The following COL9A3 variants were observed in gnomAD, a reference collection of about 807,000 sequenced individuals.
COL9A3 encodes collagen alpha-3(IX) chain.
COL9A3 carries 82 observed loss-of-function variants against 110.2 expected under a neutral mutation model. The ratio of observed to expected loss-of-function variants is 0.74; its 90% confidence interval spans 0.62 to 0.89. The LOEUF is 0.89. Ranked by LOEUF, COL9A3 falls within the 40% of genes least tolerant of loss-of-function variation. The pLI is 0.00. For missense variants in COL9A3, 1,066 were observed against 981.3 expected (o/e 1.09, Z -1.15); for synonymous variants, 494 against 403.8 (o/e 1.22, Z -2.68).
intron 14 of COL9A3, 83 bp downstream of exon 14, chr20:62,826,340 G>A (rs1416198195): frequency 2.9e-5 from 37 of 1,292,648 alleles, no homozygotes; most frequent in Admixed American, 6.0e-5. Context: ...GATGGGCCCC[G>A]TGAGTGACAC....
intron 5 of COL9A3, among the ~76,000 whole-genome samples, chr20:62,820,757 G>C (rs1377156944): frequency 6.6e-6 from 1 of 152,130 alleles, no homozygotes; most frequent in African/African-American, 2.4e-5. Flanking sequence ...GGCATTTCAG[G>C]CAGCAGGGGC....
intron 9 of COL9A3, 111 bp from the exon 10 acceptor site, chr20:62,822,480 C>A: frequency 9.2e-7 from 1 of 1,086,154 alleles, no homozygotes; most frequent in Non-Finnish European, 1.3e-6. Flanking sequence ...GTCTCCAAGT[C>A]CCCTGGTGGA....
intron 16 of COL9A3, 65 bp downstream of exon 16, chr20:62,827,359 C>T (rs2063562755): frequency 2.3e-5 from 35 of 1,534,966 alleles, no homozygotes; most frequent in South Asian, 1.0e-4. Context: ...CCTCCTGACT[C>T]GTGCTGGGGA....
In COL9A3 at chr20:62,828,835, G is replaced by T; in HGVS notation, c.954+18G>T. Reference sequence around the variant, plus strand: ...GCCAGAAGGTTGGCATGGGGCTCAGGGTGTGACGGGAGGGAGGGGGCTGGA... The same window carrying T: ...GCCAGAAGGTTGGCATGGGGCTCAGTGTGTGACGGGAGGGAGGGGGCTGGA... On this transcript the variant is annotated intron_variant, in intron 18 of 31. Transcript: ENST00000649368. 2 of 1,612,896 alleles carry T rather than the reference G, an allele frequency of 1.2e-6. No individual in the cohort carries two copies. Among genetic ancestry groups the T allele is most frequent in the South Asian group, 1.1e-5 (1 of 91,090 alleles).
At chr20:62,832,318 G>A (rs956227548) in intron 25 of COL9A3, 129 bp downstream of exon 25, 24 of 911,412 alleles carry the variant, frequency 2.6e-5, no homozygotes, top group South Asian at 1.4e-4. Context: ...TCCTCTTGCC[G>A]TGTCTGTCAG....
At chr20:62,830,631 A>T in intron 24 of COL9A3, 43 bp downstream of exon 24, 1 of 1,261,488 alleles carries the variant, frequency 7.9e-7, no homozygotes, top group Non-Finnish European at 1.0e-6. Flanking sequence ...CACCCCCTCT[A>T]CCCATGTACC....
chr20:62,818,821 C>T (rs1991022521), intron 3 of COL9A3, among the ~76,000 whole-genome samples: 2 of 152,196 alleles, frequency 1.3e-5, no homozygotes. Context: ...TGGTACAGCC[C>T]TTCAGGTCCC....
Position 62,831,878 on chromosome 20 carries a change from C to T in COL9A3, c.1288-276C>T, listed in dbSNP as rs2063599939. The T allele has an allele frequency of 3.7e-6, 2 of 533,558 alleles. 1 individual carries two copies. Among genetic ancestry groups the T allele is most frequent in the South Asian group, 4.2e-5 (2 of 47,222 alleles). 33.1% of individuals were successfully genotyped at this position (533,558 alleles called of 1,614,324 possible). ...GTGACGGAATTATCCTGCAATTGTGCAGAAACACCCGCACGAATTCACGGG... is the reference window on the plus strand; with the variant it reads ...GTGACGGAATTATCCTGCAATTGTGTAGAAACACCCGCACGAATTCACGGG... On this transcript the variant is annotated intron_variant, in intron 24 of 31. Coordinates refer to ENST00000649368, the MANE Select transcript of COL9A3 (RefSeq NM_001853.4).
chr20:62,832,513 CTCAAAGGGACAGA>C (rs1169455671), intron 25 of COL9A3, among the ~76,000 whole-genome samples: 1 of 152,276 alleles, frequency 6.6e-6, no homozygotes, highest in East Asian at 1.9e-4. Flanking sequence ...AATGGGAACT[CTCAAAGGGACAGA>C]GGTGTGTCCT....
chr20:62,838,574 C>G (rs951583857), intron 30 of COL9A3, 110 bp from the exon 31 acceptor site: 2 of 1,020,692 alleles, frequency 2.0e-6, no homozygotes, highest in African/African-American at 3.2e-5. Flanking sequence ...AATGTTTCCA[C>G]TTCAGTGAAA....
rs116005499 is a variant in COL9A3 at position 62,837,205 on chromosome 20, G to A, written c.1726G>A (p.Ala576Thr). The change falls in exon 30 of 32, where the codon GCT (alanine) becomes ACT (threonine). Residue 576 changes from alanine (A) to threonine (T), a missense_variant. Transcript: ENST00000649368. Reference protein sequence around the residue: ...GPPGSIGHPGARGPPGYRGPT... With the variant: ...GPPGSIGHPGTRGPPGYRGPT... ...CCCAGGCTCCATTGGTCACCCTGGC[G>A]CTCGAGGACCCCCTGGATACCGCGG... The A allele has an allele frequency of 3.2e-4, 521 of 1,612,374 alleles. No homozygotes were observed. In the African/African-American group the frequency reaches 5.8e-3, roughly 18 times the overall value.
At position 62,824,282 on chromosome 20, in the gene COL9A3, GA is replaced by G. The variant is rs754141321; in HGVS notation, c.520-162del. 4.2e-3 allele frequency among the ~76,000 whole-genome samples: 441 copies of G among 104,728 alleles called. No homozygotes were observed. Among genetic ancestry groups the G allele is most frequent in the Middle Eastern group, 6.8e-3 (1 of 146 alleles). The allele number at this position is 104,728 out of a possible 152,430, so 68.7% of individuals were successfully genotyped here. ...AGTGGCCTCCTGGGGTCCCGTCACT[GA>G]TGCGGAGTGGCCTCCTGGGGTCCTG... is the stretch of plus-strand genomic sequence containing the variant. On this transcript the variant is annotated intron_variant, in intron 10 of 31. Transcript: ENST00000649368.
At chr20:62,827,842 TC>T in intron 16 of COL9A3, 80 bp from the exon 17 acceptor site, 1 of 1,460,144 alleles carries the variant, frequency 6.8e-7, no homozygotes, top group African/African-American at 1.4e-5. Context: ...CTCCTTGGTG[TC>T]CCCGAGCAGC....
intron 2 of COL9A3, 114 bp downstream of exon 2, chr20:62,817,749 G>T (rs1386327070): frequency 1.4e-6 from 1 of 736,656 alleles, no homozygotes. Context: ...TCCCAGAGCC[G>T]GGGTGACATC....
chr20:62,817,949 C>A (rs6062698), intron 2 of COL9A3: 12,515 of 464,654 alleles, frequency 0.027, 246 homozygotes, highest in Non-Finnish European at 0.037. Context: ...GGGAGAGGCA[C>A]GTCCTTTGGG....
At position 62,818,552 on chromosome 20, in the gene COL9A3, C is replaced by T. The variant is rs149582526; in HGVS notation, c.182C>T (p.Pro61Leu). The change falls in exon 3 of 32, where the codon CCG (proline) becomes CTG (leucine). Residue 61 changes from proline (P) to leucine (L), a missense_variant and splice_region_variant. Coordinates refer to ENST00000649368, the MANE Select transcript of COL9A3 (RefSeq NM_001853.4). ...EAGPPGLPGP[P>L]GPKGAPGKPG... Reference sequence around the variant, plus strand: ...GGTCCTCCAGGTCTGCCTGGGCCCCCGGTGAGTGTCCCTGGCTGGGGAGAC... The same window carrying T: ...GGTCCTCCAGGTCTGCCTGGGCCCCTGGTGAGTGTCCCTGGCTGGGGAGAC... The T allele has an allele frequency of 4.1e-4, 666 of 1,612,792 alleles. 2 individuals carry two copies. The highest frequency in any genetic ancestry group is 3.3e-4 in the Middle Eastern group (2 of 6,084).
Position 62,826,243 on chromosome 20 carries a change from C to A in COL9A3, c.724C>A (p.Pro242Thr). Residue 242 changes from proline (P) to threonine (T), a missense_variant, in exon 14 of 32, where the codon CCC becomes ACC. Pro to Thr is a conservative substitution (Grantham distance 38, BLOSUM62 -1). Coordinates refer to ENST00000649368, the MANE Select transcript of COL9A3 (RefSeq NM_001853.4). ...ACGAGGACTGCCAGGGCCACTCGGG[C>A]CCCCTGGGGACCGGGTAAGTCCTGC... Reference protein sequence around the residue: ...GLRGLPGPLGPPGDRGPIGFR... With the variant: ...GLRGLPGPLGTPGDRGPIGFR... 6.4e-7 allele frequency: 1 copy of A among 1,554,896 alleles called. No homozygotes were observed. Among genetic ancestry groups the A allele is most frequent in the Admixed American group, 1.9e-5 (1 of 51,938 alleles).
chr20:62,832,905 C>CT (rs1171602607), intron 25 of COL9A3, 115 bp from the exon 26 acceptor site: 2 of 1,003,052 alleles, frequency 2.0e-6, no homozygotes, highest in African/African-American at 3.7e-5. Flanking sequence ...GGCTTTTGGC[C>CT]TCGACCTTAA....
chr20:62,817,389 G>A (rs1015162241), intron 1 of COL9A3, 178 bp from the exon 2 acceptor site: 1 of 536,996 alleles, frequency 1.9e-6, no homozygotes, highest in Non-Finnish European at 3.2e-6. Context: ...TCCCGCCGCC[G>A]GAGGGAGGCG....
Sources: allele counts gnomAD v4.1 joint callset (sites outside exome capture counted in the v4.1 genomes callset), GRCh38; gene constraint gnomAD v4.1.1; transcripts MANE v1.5; gene names NCBI Gene and HGNC (gene_info 2026-07-23, HGNC 2026-07-21).